PKD2: variants seen among roughly 807,000 people sequenced by gnomAD.
The protein encoded by PKD2 is polycystin-2.
Under a neutral mutation model 105.9 loss-of-function variants are expected in PKD2, and 48 were observed. The observed-to-expected ratio is 0.45, with a 90% CI of 0.36 to 0.58. The LOEUF (loss-of-function observed/expected upper bound fraction) is 0.58, where lower values mean the gene tolerates loss of function less well. PKD2 is among the 20% of genes least tolerant of loss of function. PKD2 has a pLI of 0.00. For missense variants in PKD2, 1,078 were observed against 1,255.3 expected (o/e 0.86, Z 2.13); for synonymous variants, 464 against 481.1 (o/e 0.96, Z 0.46).
chr4:88,038,100 C>T lies in PKD2; in HGVS notation c.844-151C>T. On this transcript the variant is annotated intron_variant, in intron 3 of 14. Coordinates refer to ENST00000237596, the MANE Select transcript of PKD2 (RefSeq NM_000297.4). ...AGCTAACAAATGATGGGGCAAGATGCTATCCCAAATCTCTCTGACAACAAA... is the reference window on the plus strand; with the variant it reads ...AGCTAACAAATGATGGGGCAAGATGTTATCCCAAATCTCTCTGACAACAAA... 4 of 850,930 alleles carry T rather than the reference C, an allele frequency of 4.7e-6. No homozygotes were observed. The South Asian group carries it at 5.9e-5, about 13-fold the overall frequency. The allele number at this position is 850,930 out of a possible 1,614,324, so 52.7% of individuals were successfully genotyped here.
chr4:88,031,639 G>A (rs1727156941), intron 2 of PKD2, among the ~76,000 whole-genome samples: 1 of 152,084 alleles, frequency 6.6e-6, no homozygotes, highest in African/African-American at 2.4e-5. Context: ...TTTCTTAACA[G>A]ATATATATAT....
chr4:88,018,033 A>G (rs1334772883), intron 1 of PKD2, among the ~76,000 whole-genome samples: 1 of 152,224 alleles, frequency 6.6e-6, no homozygotes, highest in Non-Finnish European at 1.5e-5. Context: ...CATGTCATCT[A>G]AATTTGTAAT....
Position 88,065,885 on chromosome 4 carries a change from T to A in PKD2, c.2358+6T>A. ...ACGACTTGGAGAAAGAGAGGGTGGG[T>A]CTGGTTTAGGAGAACCGGATTTGAT... On this transcript the variant is annotated splice_donor_region_variant and intron_variant, in intron 12 of 14. Transcript: ENST00000237596. The A allele has an allele frequency of 2.0e-6, 3 of 1,532,788 alleles. No individual in the cohort carries two copies. Among genetic ancestry groups the A allele is most frequent in the Non-Finnish European group, 2.7e-6 (3 of 1,105,816 alleles). The allele number at this position is 1,532,788 out of a possible 1,614,324, so 94.9% of individuals were successfully genotyped here.
chr4:88,007,801 C>A lies in PKD2; in HGVS notation c.68C>A (p.Ala23Glu). Reference protein sequence around the residue: ...GDAKRPPAPRAPDPGRLMAGC... With the variant: ...GDAKRPPAPREPDPGRLMAGC... Reference sequence around the variant, plus strand: ...GCCAAGCGGCCGCCCGCGCCCCGCGCGCCGGACCCGGGCCGGCTGATGGCT... The same window carrying A: ...GCCAAGCGGCCGCCCGCGCCCCGCGAGCCGGACCCGGGCCGGCTGATGGCT... The change falls in exon 1 of 15, where the codon GCG becomes GAG. Residue 23 changes from alanine to glutamate, a missense_variant. Transcript: ENST00000237596. 1 of 1,164,334 alleles carries A rather than the reference C, an allele frequency of 8.6e-7. No individual in the cohort carries two copies. The highest frequency in any genetic ancestry group is 1.1e-6 in the Non-Finnish European group (1 of 944,492). 72.1% of individuals were successfully genotyped at this position (1,164,334 alleles called of 1,614,324 possible). A position where few individuals can be genotyped will look rare whatever the true frequency, so the allele number is the denominator to read the frequency against.
Position 88,008,295 on chromosome 4 carries a change from G to C in PKD2, c.562G>C (p.Ala188Pro). ...CCTGGAAGGGCAGCCGCCCCGAGTG[G>C]CCTGGGCGGAGAGGCTGGTTCGCGG... ...LPLEGQPPRV[A>P]WAERLVRGLR... The change falls in exon 1 of 15, where the codon GCC becomes CCC. Residue 188 changes from alanine to proline, a missense_variant. Physicochemically the swap from Ala to Pro is conservative, Grantham distance 27. Around this residue, in one of 2 missense-constraint regions of PKD2, gnomAD observed 868 missense variants for 1,067.3 expected, o/e 0.81. Coordinates refer to ENST00000237596, the MANE Select transcript of PKD2 (RefSeq NM_000297.4). 2.7e-6 allele frequency: 4 copies of C among 1,509,276 alleles called. No homozygotes were observed. The highest frequency in any genetic ancestry group is 3.5e-6 in the Non-Finnish European group (4 of 1,135,246). The allele number at this position is 1,509,276 out of a possible 1,614,324, so 93.5% of individuals were successfully genotyped here.
chr4:88,009,233 C>T (rs1181581810), intron 1 of PKD2, among the ~76,000 whole-genome samples: 1 of 152,126 alleles, frequency 6.6e-6, no homozygotes, highest in Admixed American at 6.5e-5. Flanking sequence ...TCAGAGGTAT[C>T]CTTGGGAAAG....
At chr4:88,012,914 G>A (rs181396839) in intron 1 of PKD2, among the ~76,000 whole-genome samples, 5 of 151,920 alleles carry the variant, frequency 3.3e-5, no homozygotes, top group African/African-American at 4.8e-5. Context: ...TTTTTATGAC[G>A]AAATACTATT....
At chr4:88,066,363 C>CTT (rs36207866) in intron 12 of PKD2, among the ~76,000 whole-genome samples, 9 of 137,540 alleles carry the variant, frequency 6.5e-5, no homozygotes, top group South Asian at 2.3e-4. Flanking sequence ...ACTTTTTTTT[C>CTT]TTTTTTTTTT....
At chr4:88,044,251 AAAAG>A (rs1727687659) in intron 5 of PKD2, among the ~76,000 whole-genome samples, 2 of 152,228 alleles carry the variant, frequency 1.3e-5, no homozygotes, top group African/African-American at 2.4e-5. Flanking sequence ...GGTACTATTA[AAAAG>A]AAAGAAAAAG....
chr4:88,012,521 G>A (rs1356965871), intron 1 of PKD2, among the ~76,000 whole-genome samples: 2 of 152,032 alleles, frequency 1.3e-5, no homozygotes, highest in Non-Finnish European at 2.9e-5. Context: ...CTAGGGAGTG[G>A]GAGAGCCTGC....
chr4:88,064,231 AAAG>A (rs1355540980), intron 10 of PKD2, among the ~76,000 whole-genome samples: 10 of 152,218 alleles, frequency 6.6e-5, no homozygotes, highest in South Asian at 2.1e-4. Flanking sequence ...AATGCATAGA[AAAG>A]AAGTTCACTC....
rs556591682 is a variant in PKD2 at position 88,025,175 on chromosome 4, T to C, written c.709+5604T>C. On this transcript the variant is annotated intron_variant, in intron 2 of 14. Coordinates refer to ENST00000237596, the MANE Select transcript of PKD2 (RefSeq NM_000297.4). ...AAGAAAAGAATAGAAAAAGAATCCA[T>C]GGGCAGGCACAGTGGCTCATGCTTA... Among the ~76,000 whole-genome samples the C allele has an allele frequency of 2.8e-4, 39 of 141,198 alleles. No individual in the cohort carries two copies. In the South Asian group the frequency reaches 7.8e-3, roughly 28 times the overall value. The allele number at this position is 141,198 out of a possible 152,430, so 92.6% of individuals were successfully genotyped here. A position where few individuals can be genotyped will look rare whatever the true frequency, so the allele number is the denominator to read the frequency against.
At chr4:88,062,155 A>G (rs1720599795) in intron 10 of PKD2, 151 bp downstream of exon 10, 2 of 600,362 alleles carry the variant, frequency 3.3e-6, no homozygotes, top group Non-Finnish European at 6.1e-6. Context: ...AATGTTCCCT[A>G]TCTTGGAGTC....
At chr4:88,064,789 G>A (rs1720726555) in intron 10 of PKD2, among the ~76,000 whole-genome samples, 1 of 151,996 alleles carries the variant, frequency 6.6e-6, no homozygotes, top group African/African-American at 2.4e-5. Context: ...ACTTGTTGGG[G>A]GCTGAGTTGG....
At chr4:88,065,573 C>A (rs906534420) in intron 11 of PKD2, 78 bp downstream of exon 11, 1 of 1,460,052 alleles carries the variant, frequency 6.8e-7, no homozygotes, top group African/African-American at 1.4e-5. Flanking sequence ...GTATTTCTAG[C>A]CCAAGGGCTC....
chr4:88,036,067 T>A (rs1030957564), intron 2 of PKD2, 153 bp from the exon 3 acceptor site: 1 of 1,081,208 alleles, frequency 9.2e-7, no homozygotes, highest in Admixed American at 1.7e-5. Flanking sequence ...CCTAGAAGAA[T>A]GATAGGGGAA....
chr4:88,057,436 CTT>C (rs770879919), intron 8 of PKD2, among the ~76,000 whole-genome samples: 14 of 134,322 alleles, frequency 1.0e-4, no homozygotes, highest in Non-Finnish European at 9.7e-5. Flanking sequence ...ATTGTATTTT[CTT>C]TTTTTTTTTT....
At chr4:88,024,107 A>G (rs1578121289) in intron 2 of PKD2, among the ~76,000 whole-genome samples, 1 of 152,288 alleles carries the variant, frequency 6.6e-6, no homozygotes, top group African/African-American at 2.4e-5. Flanking sequence ...TAGTATTGCT[A>G]TTGTGTGAGT....
chr4:88,031,389 ATGTT>A lies in PKD2; in HGVS notation c.710-4823_710-4820del, dbSNP rs374480724. Among the ~76,000 whole-genome samples the A allele has an allele frequency of 6.0e-3, 912 of 152,278 alleles. 12 individuals are homozygous for A. The highest frequency in any genetic ancestry group is 0.021 in the African/African-American group (856 of 41,556). On this transcript the variant is annotated intron_variant, in intron 2 of 14. Coordinates refer to ENST00000237596, the MANE Select transcript of PKD2 (RefSeq NM_000297.4). ...CTTTTAATTTATAGAGTCCCTTCAA[ATGTT>A]TGTTTGTATTTTATTTCCACTGCAT... is the stretch of plus-strand genomic sequence containing the variant.
Sources: gnomAD v4.1 joint callset for allele counts (sites outside exome capture counted in the v4.1 genomes callset) on GRCh38, gnomAD v4.1.1 for gene constraint, gnomAD v4.1.1 regional missense constraint, MANE v1.5 for transcripts, NCBI Gene and HGNC (gene_info 2026-07-23, HGNC 2026-07-21) for gene names.